Variants in AKAP13 observed in about 807,000 individuals in gnomAD.
The protein encoded by AKAP13 is A-kinase anchoring protein 13, also known as A-kinase anchor protein 13.
In AKAP13, 80 loss-of-function variants were observed where a neutral mutation model predicts 264.5. That is an observed-to-expected ratio of 0.30 (90% CI 0.25 to 0.36). The LOEUF is 0.36. AKAP13 is among the 10% of genes least tolerant of loss of function. The pLI, the probability that AKAP13 is intolerant of heterozygous loss-of-function variation, is 1.00. For synonymous variants in AKAP13, 1,380 were observed against 1,250.2 expected, an observed-to-expected ratio of 1.10 and a Z score of -2.19; for missense variants, 3,712 against 3,435.2, an observed-to-expected ratio of 1.08 and a Z score of -2.01.
At chr15:85,702,347 T>A (rs1597113744) in intron 17 of AKAP13, 1 of 152,254 alleles carries the variant, frequency 6.6e-6, no homozygotes, top group African/African-American at 2.4e-5. Flanking sequence ...AATGGGCTGA[T>A]TATCTTCAGC....
intron 1 of AKAP13, among the ~76,000 whole-genome samples, chr15:85,423,001 C>T (rs2072593706): frequency 6.6e-6 from 1 of 152,210 alleles, no homozygotes; most frequent in Non-Finnish European, 1.5e-5. Flanking sequence ...ATGCTGTAGT[C>T]TAGTAAGTGT....
rs1486423439 is a variant in AKAP13, at chr15:85,497,457, CT to C, written c.33+11705del. ...GGCTCTACCAGCCTGGATAGATAGG[CT>C]GTGGAGACTGGGAAGAGCAGAGTGA... On this transcript the variant is annotated intron_variant, in intron 2 of 36. Coordinates refer to ENST00000394518, the MANE Select transcript of AKAP13 (RefSeq NM_007200.5). Among the ~76,000 whole-genome samples the C allele has an allele frequency of 4.6e-5, 7 of 152,236 alleles. No homozygotes were observed. The South Asian group carries it at 1.4e-3, about 32-fold the overall frequency.
At chr15:85,546,565 C>T (rs570729950) in intron 5 of AKAP13, among the ~76,000 whole-genome samples, 24 of 152,266 alleles carry the variant, frequency 1.6e-4, no homozygotes, top group Admixed American at 4.6e-4. Context: ...CTCTTTCCTT[C>T]CACTCCTGGG....
chr15:85,664,212 T>G (rs747046711), intron 12 of AKAP13, among the ~76,000 whole-genome samples: 1 of 152,232 alleles, frequency 6.6e-6, no homozygotes, highest in Non-Finnish European at 1.5e-5. Context: ...TAGAGTTAGA[T>G]TCACAAAGAT....
At chr15:85,520,574 C>T in intron 2 of AKAP13, 2 of 466,608 alleles carry the variant, frequency 4.3e-6, no homozygotes, top group Non-Finnish European at 8.5e-6. Context: ...AAGTCATAGA[C>T]AAAGTTATTG....
Position 85,606,090 on chromosome 15 carries a change from C to CTTTTTTTTTTTTTTTTTTTTTTTTTT in AKAP13, c.4161+20268_4161+20293dup, listed in dbSNP as rs369008646. Among the ~76,000 whole-genome samples, 43 of 88,358 alleles carry CTTTTTTTTTTTTTTTTTTTTTTTTTT rather than the reference C, an allele frequency of 4.9e-4. 6 individuals carry two copies. The highest frequency in any genetic ancestry group is 8.7e-4 in the South Asian group (2 of 2,286). 58.0% of individuals were successfully genotyped at this position (88,358 alleles called of 152,430 possible). A position where few individuals can be genotyped will look rare whatever the true frequency, so the allele number is the denominator to read the frequency against. ...AGATTTTCTGCACTGGTTTGATCTA[C>CTTTTTTTTTTTTTTTTTTTTTTTTTT]TTTTTTTTTTTTTTTTTTTTTTTTT... On this transcript the variant is annotated intron_variant, in intron 8 of 36. Transcript: ENST00000394518.
At chr15:85,657,005 G>A (rs978781751) in intron 11 of AKAP13, among the ~76,000 whole-genome samples, 8 of 152,062 alleles carry the variant, frequency 5.3e-5, no homozygotes, top group South Asian at 2.1e-4. Context: ...AAACAGCCGC[G>A]CATGGTAGTA....
At chr15:85,683,012 GGTTTTCAT>G (rs1816071868) in intron 15 of AKAP13, among the ~76,000 whole-genome samples, 1 of 152,134 alleles carries the variant, frequency 6.6e-6, no homozygotes, top group African/African-American at 2.4e-5. Flanking sequence ...TTTTTATTTA[GGTTTTCAT>G]GCTTATGAGA....
chr15:85,636,435 A>T (rs1302960773), intron 8 of AKAP13, among the ~76,000 whole-genome samples: 1 of 152,214 alleles, frequency 6.6e-6, no homozygotes, highest in Non-Finnish European at 1.5e-5. Flanking sequence ...TTGTTGAATA[A>T]AAGTGATGAG....
intron 2 of AKAP13, among the ~76,000 whole-genome samples, chr15:85,504,889 C>T (rs985124873): frequency 1.3e-5 from 2 of 151,966 alleles, no homozygotes; most frequent in East Asian, 1.9e-4. Flanking sequence ...CTTGCTCTCT[C>T]GCTCTTGCTC....
intron 1 of AKAP13, among the ~76,000 whole-genome samples, chr15:85,399,502 C>CAAAAAAAAAAAAAAAA (rs71138392): frequency 4.2e-4 from 32 of 77,060 alleles, no homozygotes; most frequent in East Asian, 7.5e-4. Context: ...GACTCCGTCT[C>CAAAAAAAAAAAAAAAA]AAAAAAAAAA....
intron 17 of AKAP13, among the ~76,000 whole-genome samples, chr15:85,701,588 C>T (rs1215648711): frequency 5.9e-5 from 9 of 151,996 alleles, no homozygotes; most frequent in Non-Finnish European, 1.3e-4. Context: ...TACAGGAACA[C>T]GCCACCACAC....
chr15:85,491,303 G>A (rs1037603606), intron 2 of AKAP13, among the ~76,000 whole-genome samples: 1 of 151,878 alleles, frequency 6.6e-6, no homozygotes, highest in East Asian at 1.9e-4. Flanking sequence ...ACCTCTTAGG[G>A]ATACTGGGAT....
At chr15:85,564,253 A>G (rs1329217010) in intron 5 of AKAP13, among the ~76,000 whole-genome samples, 2 of 152,214 alleles carry the variant, frequency 1.3e-5, no homozygotes, top group Non-Finnish European at 2.9e-5. Flanking sequence ...TTTTGAACTC[A>G]GAAAAGATGC....
chr15:85,469,384 T>A (rs1041165071), intron 1 of AKAP13, among the ~76,000 whole-genome samples: 1 of 152,140 alleles, frequency 6.6e-6, no homozygotes, highest in African/African-American at 2.4e-5. Context: ...ATATTACTAT[T>A]GGGTGTTCCT....
rs757781196 is a variant in AKAP13 at position 85,743,729 on chromosome 15, T to G, written c.8296T>G (p.Ser2766Ala). The G allele has an allele frequency of 7.4e-6, 12 of 1,614,000 alleles. No homozygotes were observed. Among genetic ancestry groups the G allele is most frequent in the Non-Finnish European group, 9.3e-6 (11 of 1,180,006 alleles). Residue 2766 changes from serine to alanine, a missense_variant, in exon 36 of 37, where the codon TCC becomes GCC. Physicochemically the swap from Ser to Ala is moderately conservative, Grantham distance 99. This residue lies in a region of AKAP13 where 611 missense variants were observed against 539.3 expected (regional missense o/e 1.13). Coordinates refer to ENST00000394518, the MANE Select transcript of AKAP13 (RefSeq NM_007200.5). ...GPEGQSQAPA[S>A]TSASTRLFGL... ...AGAAGGGCAGAGCCAGGCCCCTGCG[T>G]CCACCTCTGCCTCTACCCGCCTGTT...
chr15:85,693,268 C>A lies in AKAP13; in HGVS notation c.5290-9C>A. The stretch of plus-strand genomic sequence containing the variant: ...AATTAACTGTGGATTATTTTCTTTT[C>A]TTCGGCAGGAAAAGGAAAAAGAAAA... On this transcript the variant is annotated splice_polypyrimidine_tract_variant and intron_variant, in intron 16 of 36. Transcript: ENST00000394518. 1 of 1,588,020 alleles carries A rather than the reference C, an allele frequency of 6.3e-7. No individual in the cohort carries two copies. Among genetic ancestry groups the A allele is most frequent in the Non-Finnish European group, 8.5e-7 (1 of 1,172,078 alleles).
At position 85,658,562 on chromosome 15, in the gene AKAP13, G is replaced by A; in HGVS notation, c.4771G>A (p.Val1591Ile). 1 of 1,613,928 alleles carries A rather than the reference G, an allele frequency of 6.2e-7. No individual in the cohort carries two copies. The highest frequency in any genetic ancestry group is 8.5e-7 in the Non-Finnish European group (1 of 1,179,918). Reference sequence around the variant, plus strand: ...TTCAATGCGAGTTCTTGGGGATGTTGTCAGGAGACCTCCCATTCATAGGAG... The same window carrying A: ...TTCAATGCGAGTTCTTGGGGATGTTATCAGGAGACCTCCCATTCATAGGAG... The part of the protein sequence containing the change: ...RSSMRVLGDV[V>I]RRPPIHRRSF... Residue 1591 changes from valine to isoleucine, a missense_variant, in exon 12 of 37, where the codon GTC (valine) becomes ATC (isoleucine). By Grantham distance (29) the Val-to-Ile change is conservative (BLOSUM62 3). Transcript: ENST00000394518.
chr15:85,601,754 T>C (rs1000504707), intron 8 of AKAP13, among the ~76,000 whole-genome samples: 2 of 151,980 alleles, frequency 1.3e-5, no homozygotes, highest in African/African-American at 4.8e-5. Flanking sequence ...CAAAGAGCTT[T>C]TGTTTATATA....
Sources: gnomAD v4.1 joint callset for allele counts (sites outside exome capture counted in the v4.1 genomes callset) on GRCh38, gnomAD v4.1.1 for gene constraint, gnomAD v4.1.1 regional missense constraint, MANE v1.5 for transcripts, NCBI Gene and HGNC (gene_info 2026-07-23, HGNC 2026-07-21) for gene names.